The following ACSL6 variants were observed in gnomAD, a reference collection of about 807,000 sequenced individuals.
ACSL6 encodes acyl-CoA synthetase long chain family member 6.
A neutral mutation model predicts 98.2 loss-of-function variants in ACSL6; 47 were observed. That is an observed-to-expected ratio of 0.48 (90% CI 0.38 to 0.61). ACSL6 has a LOEUF of 0.61. Among genes scored for constraint, ACSL6 ranks in the 20% least tolerant of loss-of-function variants. The pLI is 0.00. For missense variants in ACSL6, 761 were observed against 913.4 expected (o/e 0.83, Z 2.15); for synonymous variants, 362 against 336.9 (o/e 1.07, Z -0.82).
At position 131,985,467 on chromosome 5, in the gene ACSL6, G is replaced by A. The variant is rs772356293; in HGVS notation, c.865-9C>T. Reference sequence around the variant, plus strand: ...TCATCAGGCTGCGGGGGCTGCAGGGGTGAGAAGAGGAGTGTGTTAGGGAGA... The same window carrying A: ...TCATCAGGCTGCGGGGGCTGCAGGGATGAGAAGAGGAGTGTGTTAGGGAGA... On this transcript the variant is annotated splice_polypyrimidine_tract_variant and intron_variant, in intron 8 of 20. Coordinates refer to ENST00000651883, the MANE Select transcript of ACSL6 (RefSeq NM_001009185.3). 88 of 1,613,606 alleles carry A rather than the reference G, an allele frequency of 5.5e-5. No homozygotes were observed. The highest frequency in any genetic ancestry group is 1.4e-5 in the Non-Finnish European group (16 of 1,179,980).
At chr5:131,978,833 T>G (rs1753758611) in intron 9 of ACSL6, among the ~76,000 whole-genome samples, 1 of 152,190 alleles carries the variant, frequency 6.6e-6, no homozygotes, top group Non-Finnish European at 1.5e-5. Context: ...GACCCATTTG[T>G]CAGAGATAAG....
At chr5:131,996,604 A>G (rs1273220958) in intron 1 of ACSL6, among the ~76,000 whole-genome samples, 2 of 152,336 alleles carry the variant, frequency 1.3e-5, no homozygotes, top group South Asian at 2.1e-4. Flanking sequence ...CTGGAAGGAT[A>G]CCTCATTACC....
intron 1 of ACSL6, among the ~76,000 whole-genome samples, chr5:131,995,023 G>A (rs574913510): frequency 5.9e-5 from 9 of 152,302 alleles, no homozygotes; most frequent in African/African-American, 1.9e-4. Context: ...GAGAAACCAC[G>A]ACTCAGAGAG....
intron 7 of ACSL6, among the ~76,000 whole-genome samples, chr5:131,987,200 C>A (rs1280358463): frequency 6.6e-6 from 1 of 152,182 alleles, no homozygotes; most frequent in Non-Finnish European, 1.5e-5. Flanking sequence ...ACATTACAGA[C>A]AGGGAGTCTG....
At position 131,990,897 on chromosome 5, in the gene ACSL6, G is replaced by T. The variant is rs1754470800; in HGVS notation, c.341C>A (p.Ala114Asp). Reference sequence around the variant, plus strand: ...GCGGAACACCTGGTACATGGTCCGGGCATCATCATAGTAGTGGGTAAGTAG... The same window carrying T: ...GCGGAACACCTGGTACATGGTCCGGTCATCATCATAGTAGTGGGTAAGTAG... ...PQLLTHYYDD[A>D]RTMYQVFRRG... The change falls in exon 3 of 21, where the codon GCC becomes GAC. Residue 114 changes from alanine (A) to aspartate (D), a missense_variant. Transcript: ENST00000651883. 6.2e-7 allele frequency: 1 copy of T among 1,613,948 alleles called. No individual in the cohort carries two copies. Among genetic ancestry groups the T allele is most frequent in the Non-Finnish European group, 8.5e-7 (1 of 1,180,010 alleles).
At chr5:131,981,322 T>TAAAAAAAAAAA (rs56950797) in intron 9 of ACSL6, among the ~76,000 whole-genome samples, 5 of 95,278 alleles carry the variant, frequency 5.2e-5, no homozygotes, top group Admixed American at 1.1e-4. Flanking sequence ...AGTCAACTAT[T>TAAAAAAAAAAA]AAAAAAAAAA....
In ACSL6 at chr5:131,959,151, G is replaced by A. The variant is rs577784637; in HGVS notation, c.2031+385C>T. ...TGGCCCGAGAAGACCAATCTTTCCA[G>A]TGTCCTCCTAACAAGTAAACTTGTC... On this transcript the variant is annotated intron_variant, in intron 20 of 20. Coordinates refer to ENST00000651883, the MANE Select transcript of ACSL6 (RefSeq NM_001009185.3). Among the ~76,000 whole-genome samples the A allele has an allele frequency of 6.6e-5, 10 of 152,202 alleles. No homozygotes were observed. In the South Asian group the frequency reaches 2.1e-3, roughly 32 times the overall value.
At chr5:131,997,831 G>A (rs1754871777) in intron 1 of ACSL6, among the ~76,000 whole-genome samples, 1 of 152,224 alleles carries the variant, frequency 6.6e-6, no homozygotes, top group South Asian at 2.1e-4. Flanking sequence ...AGCAACCAGA[G>A]GGTCTCGTTC....
At chr5:131,962,425 T>C in intron 18 of ACSL6, 110 bp downstream of exon 18, 1 of 1,295,188 alleles carries the variant, frequency 7.7e-7, no homozygotes, top group Non-Finnish European at 1.0e-6. Flanking sequence ...TTTTCTCTCA[T>C]GTTTTAAAAT....
At chr5:131,979,843 A>G (rs1219626578) in intron 9 of ACSL6, among the ~76,000 whole-genome samples, 1 of 152,160 alleles carries the variant, frequency 6.6e-6, no homozygotes, top group Non-Finnish European at 1.5e-5. Flanking sequence ...CCCACTGTCT[A>G]TTTCCCATCA....
intron 9 of ACSL6, among the ~76,000 whole-genome samples, chr5:131,979,402 G>A (rs1421376596): frequency 6.6e-6 from 1 of 152,164 alleles, no homozygotes; most frequent in Admixed American, 6.5e-5. Context: ...AATGGTGTAA[G>A]AATCTCAAGG....
chr5:131,968,191 A>G (rs1753121889), intron 15 of ACSL6, 163 bp from the exon 16 acceptor site: 2 of 599,178 alleles, frequency 3.3e-6, no homozygotes, highest in African/African-American at 1.9e-5. Flanking sequence ...GTTGGTAATA[A>G]AACAAAGTGC....
At chr5:131,967,029 G>C (rs1329078775) in intron 16 of ACSL6, among the ~76,000 whole-genome samples, 1 of 152,172 alleles carries the variant, frequency 6.6e-6, no homozygotes, top group East Asian at 1.9e-4. Flanking sequence ...CCATGACACA[G>C]TTAGGGGAAA....
chr5:131,968,153 C>G (rs1260316044), intron 15 of ACSL6, 125 bp from the exon 16 acceptor site: 1 of 722,434 alleles, frequency 1.4e-6, no homozygotes, highest in Admixed American at 2.5e-5. Flanking sequence ...AGTAACACAT[C>G]TTTAAAGGGG....
chr5:132,011,598 C>A lies in ACSL6; in HGVS notation c.-45G>T. 1 of 1,387,492 alleles carries A rather than the reference C, an allele frequency of 7.2e-7. No homozygotes were observed. The highest frequency in any genetic ancestry group is 1.7e-5 in the South Asian group (1 of 59,558). The allele number at this position is 1,387,492 out of a possible 1,614,324, so 85.9% of individuals were successfully genotyped here. A position where few individuals can be genotyped will look rare whatever the true frequency, so the allele number is the denominator to read the frequency against. ...CCCGGCCCGGCCCGGCCTCCCCGAC[C>A]CGCAGCCCCGCAGCCCCGCAGCCCA... On this transcript the variant is annotated 5_prime_UTR_variant, in exon 1 of 21. Coordinates refer to ENST00000651883, the MANE Select transcript of ACSL6 (RefSeq NM_001009185.3). The surrounding 1 kb of genome is among the most constrained non-coding windows in gnomAD (Gnocchi z 5.4).
Position 131,976,720 on chromosome 5 carries a change from C to A in ACSL6, c.918G>T (p.Gly306=), listed in dbSNP as rs369820746. ...GGGTGAGCATCGCACCTTTTGGGTT[C>A]CCTATAAAAAGAAAGCAAGAAGTCA... The part of the protein sequence containing the change: ...SIVCFTSGTT[G]NPKGAMLTHG... Residue 306 remains glycine (G), a splice_region_variant and synonymous_variant, in exon 10 of 21, where the codon GGG becomes GGT. Coordinates refer to ENST00000651883, the MANE Select transcript of ACSL6 (RefSeq NM_001009185.3). 4.3e-6 allele frequency: 7 copies of A among 1,613,984 alleles called. No individual in the cohort carries two copies. Among genetic ancestry groups the A allele is most frequent in the African/African-American group, 1.3e-5 (1 of 74,926 alleles).
chr5:131,970,566 C>T (rs1482225251), intron 14 of ACSL6, among the ~76,000 whole-genome samples: 2 of 152,066 alleles, frequency 1.3e-5, no homozygotes, highest in Non-Finnish European at 2.9e-5. Flanking sequence ...TGTGCCACCA[C>T]ACGTGGCTAA....
In ACSL6 at chr5:131,952,692, T is replaced by C. The variant is rs1385825230; in HGVS notation, c.*1542A>G. The stretch of plus-strand genomic sequence containing the variant: ...GTCCATGGTATCTGGCCTTTAATTA[T>C]AAGAAATTGTTGACACCCCAATACA... On this transcript the variant is annotated 3_prime_UTR_variant, in exon 21 of 21. Coordinates refer to ENST00000651883, the MANE Select transcript of ACSL6 (RefSeq NM_001009185.3). 2 of 215,260 alleles carry C rather than the reference T, an allele frequency of 9.3e-6. No homozygotes were observed. Among genetic ancestry groups the C allele is most frequent in the Admixed American group, 5.8e-5 (1 of 17,122 alleles). 13.3% of individuals were successfully genotyped at this position (215,260 alleles called of 1,614,324 possible).
chr5:131,988,489 G>T (rs1239686843), intron 6 of ACSL6: 3 of 1,576,254 alleles, frequency 1.9e-6, no homozygotes, highest in East Asian at 4.5e-5. Context: ...ATCATCCCAG[G>T]TCTGTTTGAG....
Sources: gnomAD v4.1 joint callset for allele counts (sites outside exome capture counted in the v4.1 genomes callset) on GRCh38, gnomAD v4.1.1 for gene constraint, Gnocchi (gnomAD v3.1) non-coding constraint, MANE v1.5 for transcripts, NCBI Gene and HGNC (gene_info 2026-07-23, HGNC 2026-07-21) for gene names.